SRPRA: variants seen among roughly 807,000 people sequenced by gnomAD.
SRPRA encodes signal recognition particle receptor subunit alpha.
Under a neutral mutation model 61.1 loss-of-function variants are expected in SRPRA, and 30 were observed. That is an observed-to-expected ratio of 0.49 (90% CI 0.37 to 0.67). The LOEUF (loss-of-function observed/expected upper bound fraction) is 0.67. Among genes scored for constraint, SRPRA ranks in the 30% least tolerant of loss-of-function variants. The pLI, the probability that SRPRA is intolerant of heterozygous loss-of-function variation, is 0.00. For missense variants in SRPRA, 759 were observed against 828.4 expected, an observed-to-expected ratio of 0.92 and a Z score of 1.03; for synonymous variants, 324 against 299.7, an observed-to-expected ratio of 1.08 and a Z score of -0.84.
the SRPRA span, chr11:126,250,844 T>C: frequency 1.3e-6 from 1 of 798,648 alleles, no homozygotes. This position sits in a 1 kb window ranked among gnomAD's most constrained non-coding sequence, Gnocchi z 5.1. Flanking sequence ...AAAGGAAAAA[T>C]TTTTTCCCTG....
At chr11:126,240,963 G>A in the SRPRA span, 19 of 1,614,056 alleles carry the variant, frequency 1.2e-5, no homozygotes, top group African/African-American at 2.3e-4. Context: ...AAGATGAGGA[G>A]AGCAAAAAGT....
At position 126,266,013 on chromosome 11, in the gene SRPRA, C is replaced by G. The variant is rs150925570; in HGVS notation, c.1001G>C (p.Ser334Thr). The G allele has an allele frequency of 5.0e-6, 8 of 1,614,102 alleles. No individual in the cohort carries two copies. The highest frequency in any genetic ancestry group is 1.3e-5 in the African/African-American group (1 of 74,948). The change falls in exon 8 of 14, where the codon AGT becomes ACT. Residue 334 changes from serine to threonine, a missense_variant. By Grantham distance (58) the Ser-to-Thr change is moderately conservative (BLOSUM62 1). This residue lies in a region of SRPRA where 475 missense variants were observed against 462.5 expected (regional missense o/e 1.03). Coordinates refer to ENST00000332118, the MANE Select transcript of SRPRA (RefSeq NM_003139.4). ...CAGCACAGATTCCATGTCTTCACGACTCAAGCTCTTTGAACCCACAAGGCC... is the reference window on the plus strand; with the variant it reads ...CAGCACAGATTCCATGTCTTCACGAGTCAAGCTCTTTGAACCCACAAGGCC... ...LKGLVGSKSLSREDMESVLDK... is the reference protein window; with the variant it reads ...LKGLVGSKSLTREDMESVLDK...
chr11:126,241,158 T>C, the SRPRA span: 3 of 1,142,590 alleles, frequency 2.6e-6, no homozygotes, highest in African/African-American at 4.7e-5. Context: ...GATATTCATT[T>C]ACAGCTTGTA....
chr11:126,262,558 A>G (rs2135231898), downstream of SRPRA: 1 of 176,820 alleles, frequency 5.7e-6, no homozygotes. Context: ...TGGCTTTTTT[A>G]AAACATGACT....
the SRPRA span, chr11:126,254,196 G>A: frequency 7.6e-7 from 1 of 1,320,222 alleles, no homozygotes; most frequent in Non-Finnish European, 1.0e-6. Flanking sequence ...CATGAAGCTA[G>A]AGAGTTTATG....
rs748867346 is a variant in SRPRA, at chr11:126,267,144, G to A, written c.526+31C>T. 1 of 1,613,118 alleles carries A rather than the reference G, an allele frequency of 6.2e-7. No homozygotes were observed. The highest frequency in any genetic ancestry group is 8.5e-7 in the Non-Finnish European group (1 of 1,179,800). Reference sequence around the variant, plus strand: ...TTAGCACCGTGTTAACACCTTTCATGTCCCAGTATATCCAAAGAACTCAAA... The same window carrying A: ...TTAGCACCGTGTTAACACCTTTCATATCCCAGTATATCCAAAGAACTCAAA... On this transcript the variant is annotated intron_variant, in intron 4 of 13. Transcript: ENST00000332118. The surrounding 1 kb of genome is among the most constrained non-coding windows in gnomAD (Gnocchi z 4.2).
rs754791213 is a variant in SRPRA at position 126,266,806 on chromosome 11, C to T, written c.643G>A (p.Glu215Lys). ...CTCCCATGCTTCTGAATGAACTCCT[C>T]GCGCTTCCTGCGGATCAGCTCCTCT... ...SKEELIRRKR[E>K]EFIQKHGRGM... Residue 215 changes from glutamate (E) to lysine (K), a missense_variant, in exon 5 of 14, where the codon GAG (glutamate) becomes AAG (lysine). Physicochemically the swap from Glu to Lys is moderately conservative, Grantham distance 56. Coordinates refer to ENST00000332118, the MANE Select transcript of SRPRA (RefSeq NM_003139.4). 1.7e-5 allele frequency: 28 copies of T among 1,614,068 alleles called. No individual in the cohort carries two copies. Among genetic ancestry groups the T allele is most frequent in the Middle Eastern group, 1.6e-4 (1 of 6,084 alleles).
rs1231296910 is a variant in SRPRA at position 126,266,814 on chromosome 11, C to A, written c.635G>T (p.Arg212Met). ...CTTCTGAATGAACTCCTCGCGCTTC[C>A]TGCGGATCAGCTCCTCTTTGGAAAG... ...VELSKEELIR[R>M]KREEFIQKHG... The change falls in exon 5 of 14, where the codon AGG (arginine) becomes ATG (methionine). Residue 212 changes from arginine (R) to methionine (M), a missense_variant. This residue lies in a region of SRPRA where 475 missense variants were observed against 462.5 expected (regional missense o/e 1.03). Transcript: ENST00000332118. 6.2e-7 allele frequency: 1 copy of A among 1,614,198 alleles called. No homozygotes were observed. Among genetic ancestry groups the A allele is most frequent in the Admixed American group, 1.7e-5 (1 of 60,032 alleles).
chr11:126,260,647 G>A (rs900884389), downstream of SRPRA: 1 of 152,080 alleles, frequency 6.6e-6, no homozygotes, highest in Non-Finnish European at 1.5e-5. Flanking sequence ...CTGTAATCAG[G>A]TCAAAGATCA....
At chr11:126,259,707 G>C (rs1346694234), downstream of SRPRA, among the ~76,000 whole-genome samples, 5 of 150,588 alleles carry the variant, frequency 3.3e-5, no homozygotes, top group Admixed American at 6.6e-5. Flanking sequence ...TTACAGGCGT[G>C]AGCCACCATG....
chr11:126,247,417 A>T, the SRPRA span, among the ~76,000 whole-genome samples: 2 of 152,222 alleles, frequency 1.3e-5, no homozygotes, highest in Non-Finnish European at 2.9e-5. Flanking sequence ...CTTAATTAAA[A>T]TAAGTGACCT....
the SRPRA span, among the ~76,000 whole-genome samples, chr11:126,246,131 T>C: frequency 6.6e-5 from 10 of 152,114 alleles, no homozygotes; most frequent in African/African-American, 9.7e-5. Flanking sequence ...AAAAATGATA[T>C]ATTTAGGGGA....
the SRPRA span, among the ~76,000 whole-genome samples, chr11:126,246,513 G>A: frequency 1.3e-5 from 2 of 152,206 alleles, no homozygotes; most frequent in Non-Finnish European, 2.9e-5. Flanking sequence ...TGAAGAATAG[G>A]TGAGATAATG....
chr11:126,261,545 G>A, downstream of SRPRA: 1 of 1,395,472 alleles, frequency 7.2e-7, no homozygotes, highest in Admixed American at 1.7e-5. Context: ...CTAGGTCCTT[G>A]GTTAAGAATA....
At chr11:126,250,021 A>T in the SRPRA span, among the ~76,000 whole-genome samples, 2 of 152,116 alleles carry the variant, frequency 1.3e-5, no homozygotes, top group Non-Finnish European at 2.9e-5. This position sits in a 1 kb window ranked among gnomAD's most constrained non-coding sequence, Gnocchi z 5.1. Flanking sequence ...GCATTGTGCT[A>T]AGCACTTGGC....
At chr11:126,254,377 G>A in the SRPRA span, 1 of 1,614,084 alleles carries the variant, frequency 6.2e-7, no homozygotes, top group Non-Finnish European at 8.5e-7. Flanking sequence ...CAACCCTAGT[G>A]GCATTGTCCT....
chr11:126,257,574 C>T, the SRPRA span, among the ~76,000 whole-genome samples: 2 of 148,804 alleles, frequency 1.3e-5, no homozygotes, highest in Non-Finnish European at 3.0e-5. Flanking sequence ...TTGTAAATAC[C>T]ATGGTCAGCT....
chr11:126,268,102 G>A lies in SRPRA; in HGVS notation c.118-16C>T, dbSNP rs1018875368. ...CTCCCCGTTCCTGGAGAAAGAGTAT[G>A]TCTCAGTGTTCAGACTATCCCCAGA... On this transcript the variant is annotated splice_polypyrimidine_tract_variant and intron_variant, in intron 1 of 13. Coordinates refer to ENST00000332118, the MANE Select transcript of SRPRA (RefSeq NM_003139.4). 1 of 1,612,258 alleles carries A rather than the reference G, an allele frequency of 6.2e-7. No homozygotes were observed. The highest frequency in any genetic ancestry group is 8.5e-7 in the Non-Finnish European group (1 of 1,178,410).
At chr11:126,254,310 C>A in the SRPRA span, 193 of 1,613,838 alleles carry the variant, frequency 1.2e-4, 1 homozygote, top group African/African-American at 2.4e-3. Context: ...TGCAGGTCCT[C>A]GAGTGGGCTC....
Sources: gnomAD v4.1 joint callset for allele counts (sites outside exome capture counted in the v4.1 genomes callset) on GRCh38, gnomAD v4.1.1 for gene constraint, gnomAD v4.1.1 regional missense constraint, Gnocchi (gnomAD v3.1) non-coding constraint, MANE v1.5 for transcripts, NCBI Gene and HGNC (gene_info 2026-07-23, HGNC 2026-07-21) for gene names.